Variants in SNTG1 observed in about 807,000 individuals in gnomAD.
SNTG1 encodes gamma-1-syntrophin.
Under a neutral mutation model 74.7 loss-of-function variants are expected in SNTG1, and 39 were observed. The observed-to-expected ratio is 0.52, with a 90% CI of 0.40 to 0.68. The LOEUF is 0.68. Ranked by LOEUF, SNTG1 falls within the 30% of genes least tolerant of loss-of-function variation. The pLI, the probability that SNTG1 is intolerant of heterozygous loss-of-function variation, is 0.00. For missense variants in SNTG1, 685 were observed against 609.5 expected (o/e 1.12, Z -1.30); for synonymous variants, 254 against 217.1 (o/e 1.17, Z -1.49).
chr8:50,062,258 G>C (rs1820539663), intron 1 of SNTG1, among the ~76,000 whole-genome samples: 1 of 152,064 alleles, frequency 6.6e-6, no homozygotes, highest in African/African-American at 2.4e-5. Flanking sequence ...TGTTGGCCAG[G>C]CTGATCTCTA....
intron 13 of SNTG1, among the ~76,000 whole-genome samples, chr8:50,624,319 A>C: frequency 6.8e-6 from 1 of 146,090 alleles, no homozygotes; most frequent in East Asian, 1.9e-4. Flanking sequence ...TGAAAGAAAA[A>C]CAAAAAAAAA....
At chr8:50,623,765 G>A (rs892562383) in intron 13 of SNTG1, among the ~76,000 whole-genome samples, 2 of 151,800 alleles carry the variant, frequency 1.3e-5, no homozygotes, top group Admixed American at 1.3e-4. Context: ...ATAAAATAAA[G>A]TGTTGGTCTC....
intron 4 of SNTG1, among the ~76,000 whole-genome samples, chr8:50,425,614 C>T (rs2093153861): frequency 6.6e-6 from 1 of 152,012 alleles, no homozygotes; most frequent in African/African-American, 2.4e-5. Flanking sequence ...TGAATCATTC[C>T]TAGTCCAATC....
At chr8:50,643,478 G>C (rs1191250742) in intron 13 of SNTG1, among the ~76,000 whole-genome samples, 1 of 152,154 alleles carries the variant, frequency 6.6e-6, no homozygotes, top group Non-Finnish European at 1.5e-5. Flanking sequence ...GAAGGAGATG[G>C]TTTCTACAGC....
chr8:50,466,350 T>A (rs11781401), intron 8 of SNTG1, among the ~76,000 whole-genome samples: 109,985 of 151,822 alleles, frequency 0.72, 41,454 homozygotes, highest in East Asian at 0.84. Context: ...TGACCAGTTG[T>A]TTATATTTAT....
intron 2 of SNTG1, among the ~76,000 whole-genome samples, chr8:50,207,528 A>T (rs574051526): frequency 6.6e-6 from 1 of 152,162 alleles, no homozygotes; most frequent in East Asian, 1.9e-4. Context: ...TCCTAGATTC[A>T]TTGATTTTTT....
rs139111219 is a variant in SNTG1, at chr8:50,115,409, T to C, written c.-102-57152T>C. ...TGGTGAAACCCCGTCTCTACAAAAA[T>C]ACAAAAATTAGCCGAGCATCATGTC... is the stretch of plus-strand genomic sequence containing the variant. On this transcript the variant is annotated intron_variant, in intron 1 of 18. Coordinates refer to ENST00000642720, the MANE Select transcript of SNTG1 (RefSeq NM_018967.5). Among the ~76,000 whole-genome samples, 662 of 151,386 alleles carry C rather than the reference T, an allele frequency of 4.4e-3. 5 individuals are homozygous for C. The highest frequency in any genetic ancestry group is 0.015 in the African/African-American group (638 of 41,334).
chr8:50,777,870 A>T (rs781547223), intron 18 of SNTG1, among the ~76,000 whole-genome samples: 1 of 152,090 alleles, frequency 6.6e-6, no homozygotes, highest in African/African-American at 2.4e-5. Context: ...ACCCGACAAC[A>T]GTCCCCAGAG....
chr8:50,455,002 T>C (rs1381384055), intron 8 of SNTG1, among the ~76,000 whole-genome samples: 18 of 152,086 alleles, frequency 1.2e-4, no homozygotes. Context: ...ATTTTAATAA[T>C]TGAGTATACA....
intron 2 of SNTG1, among the ~76,000 whole-genome samples, chr8:50,253,447 A>AAAT (rs1276784088): frequency 1.2e-5 from 1 of 84,552 alleles, no homozygotes; most frequent in Non-Finnish European, 3.0e-5. Context: ...AATAAATAAA[A>AAAT]ATAAAGGTAG....
intron 17 of SNTG1, among the ~76,000 whole-genome samples, chr8:50,722,749 G>T (rs10958060): frequency 0.2 from 31,060 of 151,958 alleles, 3,290 homozygotes; most frequent in South Asian, 0.31. Flanking sequence ...GCTGGGATTT[G>T]TTGTGTTGTT....
At chr8:50,693,420 A>T (rs767789946) in intron 15 of SNTG1, among the ~76,000 whole-genome samples, 8 of 152,186 alleles carry the variant, frequency 5.3e-5, no homozygotes, top group Admixed American at 1.3e-4. Flanking sequence ...GTTCTTTAAG[A>T]GTGTGTAACA....
chr8:50,074,705 G>A (rs1006844294), intron 1 of SNTG1, among the ~76,000 whole-genome samples: 1 of 152,218 alleles, frequency 6.6e-6, no homozygotes, highest in Non-Finnish European at 1.5e-5. Flanking sequence ...TGACCGTGCT[G>A]GCAGCCCTTG....
At position 50,323,915 on chromosome 8, in the gene SNTG1, A is replaced by T. The variant is rs574242362; in HGVS notation, c.-27-70297A>T. Among the ~76,000 whole-genome samples the T allele has an allele frequency of 1.2e-4, 18 of 152,300 alleles. 1 individual carries two copies. Among genetic ancestry groups the T allele is most frequent in the African/African-American group, 4.1e-4 (17 of 41,562 alleles). On this transcript the variant is annotated intron_variant, in intron 2 of 18. Coordinates refer to ENST00000642720, the MANE Select transcript of SNTG1 (RefSeq NM_018967.5). ...CTACTACAGCTAAGCTGGTGCTTAA[A>T]TCGAATACTGGGGTTTGAAGAGGAA...
At chr8:50,148,311 T>A (rs888047498) in intron 1 of SNTG1, among the ~76,000 whole-genome samples, 1 of 152,134 alleles carries the variant, frequency 6.6e-6, no homozygotes, top group African/African-American at 2.4e-5. Flanking sequence ...GAAGTGGAGC[T>A]TAATATCACT....
intron 12 of SNTG1, among the ~76,000 whole-genome samples, chr8:50,557,228 A>G (rs1433998193): frequency 6.6e-6 from 1 of 151,924 alleles, no homozygotes; most frequent in Non-Finnish European, 1.5e-5. Context: ...AACCAAAAAA[A>G]AAAAAAAAAA....
At chr8:50,780,311 C>T (rs187448283) in intron 18 of SNTG1, among the ~76,000 whole-genome samples, 4 of 152,202 alleles carry the variant, frequency 2.6e-5, no homozygotes, top group Admixed American at 6.5e-5. Context: ...TTGTAGAATT[C>T]GGCTGTGAAT....
intron 13 of SNTG1, among the ~76,000 whole-genome samples, chr8:50,640,747 A>C (rs1432324285): frequency 6.6e-6 from 1 of 152,062 alleles, no homozygotes; most frequent in Admixed American, 6.6e-5. Flanking sequence ...CTTAGTCTTC[A>C]TGTCTCCTTA....
intron 4 of SNTG1, among the ~76,000 whole-genome samples, chr8:50,430,757 C>T (rs554762365): frequency 1.3e-5 from 2 of 152,288 alleles, no homozygotes; most frequent in South Asian, 4.1e-4. Context: ...TCCAGCAAGA[C>T]ATTTAAATGC....
Sources: gnomAD v4.1 joint callset for allele counts (sites outside exome capture counted in the v4.1 genomes callset) on GRCh38, gnomAD v4.1.1 for gene constraint, MANE v1.5 for transcripts, NCBI Gene and HGNC (gene_info 2026-07-23, HGNC 2026-07-21) for gene names.